FHIT: variants seen among roughly 807,000 people sequenced by gnomAD.
FHIT encodes bis(5'-adenosyl)-triphosphatase.
In FHIT, 19 loss-of-function variants were observed where a neutral mutation model predicts 17.9. The ratio of observed to expected loss-of-function variants is 1.06; its 90% confidence interval spans 0.74 to 1.56. FHIT has a LOEUF of 1.56. Among genes scored for constraint, FHIT ranks in the 40% most tolerant of loss-of-function variants. The probability of loss-of-function intolerance (pLI) is 0.00; values close to 1 mark genes in which losing one functional copy is unlikely to be tolerated. For missense variants in FHIT, 248 were observed against 189.2 expected, an observed-to-expected ratio of 1.31 and a Z score of -1.82; for synonymous variants, 81 against 69.7, an observed-to-expected ratio of 1.16 and a Z score of -0.81.
chr3:60,613,550 A>G (rs2038850411), intron 4 of FHIT, among the ~76,000 whole-genome samples: 1 of 152,074 alleles, frequency 6.6e-6, no homozygotes, highest in African/African-American at 2.4e-5. Context: ...TTCTGCTTAT[A>G]TCTTTCTTTT....
At chr3:61,020,018 C>G (rs903046023) in intron 3 of FHIT, among the ~76,000 whole-genome samples, 5 of 152,136 alleles carry the variant, frequency 3.3e-5, no homozygotes, top group African/African-American at 1.2e-4. Context: ...CTCCCCTAGC[C>G]CCACAAACCC....
chr3:61,193,560 G>C (rs1376422815), intron 2 of FHIT, among the ~76,000 whole-genome samples: 3 of 152,108 alleles, frequency 2.0e-5, no homozygotes, highest in Non-Finnish European at 2.9e-5. Context: ...CCTTAAGTGA[G>C]CAGACACTCC....
chr3:60,389,915 C>A (rs958270567), intron 5 of FHIT, among the ~76,000 whole-genome samples: 3 of 152,150 alleles, frequency 2.0e-5, no homozygotes, highest in Non-Finnish European at 4.4e-5. Context: ...TACACAAGTT[C>A]ATGGGGACTT....
At chr3:60,142,435 A>T (rs970724853) in intron 5 of FHIT, among the ~76,000 whole-genome samples, 5 of 152,164 alleles carry the variant, frequency 3.3e-5, no homozygotes, top group Non-Finnish European at 7.3e-5. Flanking sequence ...GTTGCTTAAA[A>T]TTTTATTTAT....
chr3:61,104,835 G>C (rs1245947828), intron 2 of FHIT, among the ~76,000 whole-genome samples: 1 of 151,908 alleles, frequency 6.6e-6, no homozygotes, highest in Non-Finnish European at 1.5e-5. Context: ...CTCTGAAATT[G>C]TTTCCTCTGC....
intron 2 of FHIT, among the ~76,000 whole-genome samples, chr3:61,103,399 T>C (rs188219841): frequency 1.3e-5 from 2 of 152,336 alleles, no homozygotes; most frequent in African/African-American, 4.8e-5. Context: ...TCTAATTTGA[T>C]TGCACTGTGG....
intron 1 of FHIT, among the ~76,000 whole-genome samples, chr3:61,207,971 T>C (rs2039308426): frequency 6.6e-6 from 1 of 152,214 alleles, no homozygotes; most frequent in Non-Finnish European, 1.5e-5. Flanking sequence ...AATTTCCCTC[T>C]ATACACTGCT....
chr3:60,556,343 T>C (rs1169704550), intron 4 of FHIT, among the ~76,000 whole-genome samples: 2 of 152,212 alleles, frequency 1.3e-5, no homozygotes, highest in Admixed American at 6.5e-5. Flanking sequence ...CTGGTCCCTC[T>C]GAAACTATGA....
At chr3:60,308,526 A>ATG (rs1194135659) in intron 5 of FHIT, among the ~76,000 whole-genome samples, 1 of 121,662 alleles carries the variant, frequency 8.2e-6, no homozygotes, top group African/African-American at 3.2e-5. Context: ...ATATATATAT[A>ATG]TATGCCTCTC....
intron 8 of FHIT, among the ~76,000 whole-genome samples, chr3:59,883,929 T>C (rs1388607281): frequency 6.6e-6 from 1 of 152,222 alleles, no homozygotes; most frequent in Non-Finnish European, 1.5e-5. Flanking sequence ...ATATCTATTA[T>C]CTGATTTGGC....
At chr3:60,010,826 G>C (rs1213949924) in intron 7 of FHIT, among the ~76,000 whole-genome samples, 1 of 151,994 alleles carries the variant, frequency 6.6e-6, no homozygotes, top group Non-Finnish European at 1.5e-5. Context: ...CATTAGGTTT[G>C]AACTTTGGTA....
At chr3:60,181,304 T>A (rs1251044436) in intron 5 of FHIT, among the ~76,000 whole-genome samples, 2 of 151,808 alleles carry the variant, frequency 1.3e-5, no homozygotes, top group African/African-American at 2.4e-5. Context: ...CACCACCACA[T>A]CTGGCTAGTT....
At chr3:60,247,689 G>GT (rs1171907158) in intron 5 of FHIT, among the ~76,000 whole-genome samples, 1 of 152,000 alleles carries the variant, frequency 6.6e-6, no homozygotes, top group Non-Finnish European at 1.5e-5. Context: ...TCATAGTAAC[G>GT]TAAGTTCATG....
intron 4 of FHIT, among the ~76,000 whole-genome samples, chr3:60,647,319 G>T (rs1429089824): frequency 6.6e-6 from 1 of 152,154 alleles, no homozygotes; most frequent in Non-Finnish European, 1.5e-5. Flanking sequence ...AAGTCATAAT[G>T]GGGTGAGAGA....
intron 5 of FHIT, among the ~76,000 whole-genome samples, chr3:60,261,418 C>T (rs7647647): frequency 2.0e-5 from 3 of 151,988 alleles, no homozygotes; most frequent in Non-Finnish European, 4.4e-5. Context: ...CATCAAAATA[C>T]ACTATAATTA....
chr3:60,776,255 G>C (rs923682777), intron 4 of FHIT, among the ~76,000 whole-genome samples: 5 of 152,132 alleles, frequency 3.3e-5, no homozygotes, highest in African/African-American at 9.7e-5. Flanking sequence ...TTCTCTTAAA[G>C]GGCCCCACCC....
intron 5 of FHIT, among the ~76,000 whole-genome samples, chr3:60,373,325 A>G (rs2107069993): frequency 6.6e-6 from 1 of 152,338 alleles, no homozygotes; most frequent in East Asian, 1.9e-4. Context: ...TAAGATATAA[A>G]GAATTTGAAA....
At chr3:60,878,598 G>A (rs139833726) in intron 3 of FHIT, among the ~76,000 whole-genome samples, 7 of 151,920 alleles carry the variant, frequency 4.6e-5, no homozygotes, top group Non-Finnish European at 5.9e-5. Context: ...CCATTAACTC[G>A]TCATTTACAT....
chr3:60,224,807 G>A (rs956815570), intron 5 of FHIT, among the ~76,000 whole-genome samples: 9 of 151,598 alleles, frequency 5.9e-5, no homozygotes, highest in East Asian at 1.9e-4. Context: ...TGAAAACTCC[G>A]GCTCCCAGGT....
Sources: gnomAD v4.1 joint callset for allele counts (sites outside exome capture counted in the v4.1 genomes callset) on GRCh38, gnomAD v4.1.1 for gene constraint, MANE v1.5 for transcripts, NCBI Gene and HGNC (gene_info 2026-07-23, HGNC 2026-07-21) for gene names.